Variants in AKAP13 observed in about 807,000 individuals in gnomAD.
The protein encoded by AKAP13 is A-kinase anchoring protein 13.
A neutral mutation model predicts 264.5 loss-of-function variants in AKAP13; 80 were observed. The ratio of observed to expected loss-of-function variants is 0.30; its 90% CI spans 0.25 to 0.36. The LOEUF (loss-of-function observed/expected upper bound fraction) is 0.36. Among genes scored for constraint, AKAP13 ranks in the 10% least tolerant of loss-of-function variants. The pLI is 1.00. For synonymous variants in AKAP13, 1,380 were observed against 1,250.2 expected (o/e 1.10, Z -2.19); for missense variants, 3,712 against 3,435.2 (o/e 1.08, Z -2.01).
chr15:85,442,488 A>G, intron 1 of AKAP13, among the ~76,000 whole-genome samples: 1 of 111,112 alleles, frequency 9.0e-6, no homozygotes, highest in Non-Finnish European at 1.8e-5. Context: ...TATAATATAT[A>G]TAATATATAT....
chr15:85,691,428 T>G (rs1358887628), intron 16 of AKAP13, among the ~76,000 whole-genome samples: 1 of 152,204 alleles, frequency 6.6e-6, no homozygotes, highest in Non-Finnish European at 1.5e-5. Flanking sequence ...GATATTTCAT[T>G]AAGGACCCAC....
chr15:85,561,372 T>G (rs947742880), intron 5 of AKAP13, among the ~76,000 whole-genome samples: 1 of 152,158 alleles, frequency 6.6e-6, no homozygotes, highest in Non-Finnish European at 1.5e-5. Context: ...GACATAAGGA[T>G]TTTTAAAAGC....
At chr15:85,720,067 C>CA (rs1418207060) in intron 23 of AKAP13, among the ~76,000 whole-genome samples, 4 of 151,640 alleles carry the variant, frequency 2.6e-5, no homozygotes, top group African/African-American at 4.8e-5. Flanking sequence ...GCTGTCTCTA[C>CA]AAAAAAAAGT....
At chr15:85,737,084 A>G (rs2088589674) in intron 33 of AKAP13, among the ~76,000 whole-genome samples, 1 of 151,718 alleles carries the variant, frequency 6.6e-6, no homozygotes, top group Non-Finnish European at 1.5e-5. Context: ...ACACCTGACT[A>G]ATTTTTTGTA....
At chr15:85,411,062 A>C (rs879785531) in intron 1 of AKAP13, among the ~76,000 whole-genome samples, 14 of 152,150 alleles carry the variant, frequency 9.2e-5, no homozygotes, top group Non-Finnish European at 1.8e-4. Context: ...TCTTTCAGTG[A>C]GTCTGTGAGG....
chr15:85,575,685 C>A (rs1471539023), intron 6 of AKAP13, among the ~76,000 whole-genome samples: 3 of 151,920 alleles, frequency 2.0e-5, no homozygotes, highest in Non-Finnish European at 4.4e-5. Flanking sequence ...GAGCGAGACT[C>A]CGTCTCAAAA....
chr15:85,693,738 G>A (rs1204031216), intron 17 of AKAP13, among the ~76,000 whole-genome samples: 11 of 152,158 alleles, frequency 7.2e-5, no homozygotes, highest in Non-Finnish European at 1.6e-4. Flanking sequence ...AGTAGAAACT[G>A]TACTTTGAGT....
Position 85,718,557 on chromosome 15 carries a change from C to T in AKAP13, c.6001+398C>T, listed in dbSNP as rs1388661716. Among the ~76,000 whole-genome samples, 1 of 152,070 alleles carries T rather than the reference C, an allele frequency of 6.6e-6. No individual in the cohort carries two copies. The highest frequency in any genetic ancestry group is 1.5e-5 in the Non-Finnish European group (1 of 68,010). On this transcript the variant is annotated intron_variant, in intron 22 of 36. Coordinates refer to ENST00000394518, the MANE Select transcript of AKAP13 (RefSeq NM_007200.5). The surrounding 1 kb of genome is among the most constrained non-coding windows in gnomAD (Gnocchi z 4.9). ...AGTCATAATTTAAGACTGATGGAATCCGGGGTACCTATTATCAGAAAATAG... is the reference window on the plus strand; with the variant it reads ...AGTCATAATTTAAGACTGATGGAATTCGGGGTACCTATTATCAGAAAATAG...
At chr15:85,637,047 A>C (rs2082099118) in intron 8 of AKAP13, among the ~76,000 whole-genome samples, 1 of 152,224 alleles carries the variant, frequency 6.6e-6, no homozygotes, top group African/African-American at 2.4e-5. Flanking sequence ...ATATTGCTGG[A>C]TTCCATTAAC....
intron 34 of AKAP13, among the ~76,000 whole-genome samples, 159 bp from the exon 35 acceptor site, chr15:85,740,887 A>G (rs921107867): frequency 2.0e-5 from 3 of 151,184 alleles, no homozygotes; most frequent in African/African-American, 4.9e-5. Context: ...AACAGCTGCA[A>G]TTATCCTGGA....
At chr15:85,504,933 C>G (rs1050145997) in intron 2 of AKAP13, among the ~76,000 whole-genome samples, 3 of 151,986 alleles carry the variant, frequency 2.0e-5, no homozygotes, top group Admixed American at 1.3e-4. Context: ...CCCCCTCTCT[C>G]CCATCTCTCT....
At chr15:85,686,163 GTGTA>G (rs1382016729) in intron 16 of AKAP13, among the ~76,000 whole-genome samples, 9 of 134,082 alleles carry the variant, frequency 6.7e-5, no homozygotes, top group East Asian at 2.3e-4. Flanking sequence ...GTGTGTGTGT[GTGTA>G]TGTGTGTGTG....
chr15:85,432,654 C>T (rs1384177255), intron 1 of AKAP13, among the ~76,000 whole-genome samples: 1 of 152,134 alleles, frequency 6.6e-6, no homozygotes, highest in African/African-American at 2.4e-5. Flanking sequence ...AATTTTCATT[C>T]ACTTCGCAAA....
At chr15:85,733,280 C>G (rs780739396) in intron 30 of AKAP13, among the ~76,000 whole-genome samples, 10 of 152,154 alleles carry the variant, frequency 6.6e-5, no homozygotes, top group Non-Finnish European at 1.5e-4. Context: ...ATTAATTACT[C>G]TCAAGTATGT....
At chr15:85,409,775 C>T (rs1400945894) in intron 1 of AKAP13, among the ~76,000 whole-genome samples, 3 of 151,162 alleles carry the variant, frequency 2.0e-5, no homozygotes, top group South Asian at 2.1e-4. Flanking sequence ...GGACTGCAGG[C>T]GCCCACCACC....
At chr15:85,411,386 G>A (rs968986552) in intron 1 of AKAP13, among the ~76,000 whole-genome samples, 1 of 152,128 alleles carries the variant, frequency 6.6e-6, no homozygotes, top group Non-Finnish European at 1.5e-5. Context: ...GCACGTGGAA[G>A]TATTGTGGTT....
rs138185041 is a variant in AKAP13, at chr15:85,727,819, G to A, written c.7087+356G>A. On this transcript the variant is annotated intron_variant, in intron 29 of 36. Coordinates refer to ENST00000394518, the MANE Select transcript of AKAP13 (RefSeq NM_007200.5). This position sits in a 1 kb window ranked among gnomAD's most constrained non-coding sequence, Gnocchi z 5.3. ...TAAAACAAGGAGAGAAAGGAATTTG[G>A]GGAAAAGAATTCTCCAGTTAATCTG... Among the ~76,000 whole-genome samples, 4 of 152,266 alleles carry A rather than the reference G, an allele frequency of 2.6e-5. No homozygotes were observed. In the East Asian group the frequency reaches 7.7e-4, roughly 29 times the overall value.
intron 8 of AKAP13, among the ~76,000 whole-genome samples, chr15:85,586,180 C>CTTCTTT (rs1157505541): frequency 2.9e-4 from 44 of 151,558 alleles, no homozygotes; most frequent in African/African-American, 1.1e-3. Flanking sequence ...TTTTTCTTTC[C>CTTCTTT]TTCTTTTTCT....
chr15:85,559,144 T>G (rs60683050), intron 5 of AKAP13, among the ~76,000 whole-genome samples: 1 of 152,142 alleles, frequency 6.6e-6, no homozygotes, highest in Non-Finnish European at 1.5e-5. Context: ...GTTCTCGCTT[T>G]GAAAATAATT....
Sources: gnomAD v4.1 joint callset for allele counts (sites outside exome capture counted in the v4.1 genomes callset) on GRCh38, gnomAD v4.1.1 for gene constraint, Gnocchi (gnomAD v3.1) non-coding constraint, MANE v1.5 for transcripts, NCBI Gene and HGNC (gene_info 2026-07-23, HGNC 2026-07-21) for gene names.